The following RFC1 variants were observed in gnomAD, a reference collection of about 807,000 sequenced individuals.
RFC1 encodes A1 140 kDa subunit.
Under a neutral mutation model 137.4 loss-of-function variants are expected in RFC1, and 37 were observed. The observed-to-expected ratio is 0.27, with a 90% confidence interval of 0.21 to 0.35. The LOEUF (loss-of-function observed/expected upper bound fraction) is 0.35, where lower values mean the gene tolerates loss of function less well. Among genes scored for constraint, RFC1 ranks in the 10% least tolerant of loss-of-function variants. The probability of loss-of-function intolerance (pLI) is 1.00; values close to 1 mark genes in which losing one functional copy is unlikely to be tolerated. For missense variants in RFC1, 1,205 were observed against 1,358.5 expected (o/e 0.89, Z 1.78); for synonymous variants, 429 against 455.7 (o/e 0.94, Z 0.75).
intron 1 of RFC1, among the ~76,000 whole-genome samples, chr4:39,364,343 TA>T (rs2109789298): frequency 6.6e-6 from 1 of 152,168 alleles, no homozygotes; most frequent in African/African-American, 2.4e-5. Context: ...AATTTTAGTC[TA>T]GGGTTTTGCT....
At chr4:39,298,935 T>G (rs1359887733) in intron 21 of RFC1, among the ~76,000 whole-genome samples, 1 of 152,262 alleles carries the variant, frequency 6.6e-6, no homozygotes, top group Middle Eastern at 3.4e-3. Context: ...TGGCCAACAC[T>G]GTTGGGAACA....
At chr4:39,345,284 C>T (rs575837687) in intron 3 of RFC1, 117 bp downstream of exon 3, 30 of 752,512 alleles carry the variant, frequency 4.0e-5, no homozygotes, top group South Asian at 2.9e-4. Context: ...CAAAGTGCTG[C>T]GATTGCGATT....
intron 2 of RFC1, among the ~76,000 whole-genome samples, chr4:39,347,491 C>T (rs1299395962): frequency 6.6e-6 from 1 of 152,186 alleles, no homozygotes; most frequent in Admixed American, 6.5e-5. Context: ...TGTTTCTCTA[C>T]AGAACTCTGA....
In RFC1 at chr4:39,292,557, T is replaced by A. The variant is rs569950013; in HGVS notation, c.2955-705A>T. The stretch of plus-strand genomic sequence containing the variant: ...CAAAACAATATTTCAAATGCCACCA[T>A]CCTAAATCTTTCCAACCCAGCTGCC... On this transcript the variant is annotated intron_variant, in intron 22 of 24. Transcript: ENST00000349703. 1.4e-4 allele frequency among the ~76,000 whole-genome samples: 22 copies of A among 152,246 alleles called. No individual in the cohort carries two copies. In the South Asian group the frequency reaches 4.4e-3, roughly 30 times the overall value.
At chr4:39,313,610 T>C (rs1186135812) in intron 10 of RFC1, among the ~76,000 whole-genome samples, 4 of 152,186 alleles carry the variant, frequency 2.6e-5, no homozygotes, top group Non-Finnish European at 5.9e-5. Context: ...GGTCTGCCAA[T>C]GGATTGTGGT....
chr4:39,291,681 G>C lies in RFC1; in HGVS notation c.3126C>G (p.Ser1042Arg), dbSNP rs757780127. Reference sequence around the variant, plus strand: ...AAAAGGGACTAGGTTTGCCACCCCAGCTGCTGATTTCCATGATATTCTCAA... The same window carrying C: ...AAAAGGGACTAGGTTTGCCACCCCACCTGCTGATTTCCATGATATTCTCAA... Reference protein sequence around the residue: ...EDFENIMEISSWGGKPSPFSK... With the variant: ...EDFENIMEISRWGGKPSPFSK... Residue 1042 changes from serine to arginine, a missense_variant, in exon 23 of 25, where the codon AGC becomes AGG. Ser to Arg is a moderately radical substitution (Grantham distance 110). Coordinates refer to ENST00000349703, the MANE Select transcript of RFC1 (RefSeq NM_002913.5). 15 of 1,613,960 alleles carry C rather than the reference G, an allele frequency of 9.3e-6. No homozygotes were observed. The highest frequency in any genetic ancestry group is 1.3e-5 in the Non-Finnish European group (15 of 1,179,992).
intron 3 of RFC1, among the ~76,000 whole-genome samples, chr4:39,343,214 G>A (rs918988890): frequency 2.6e-5 from 4 of 152,036 alleles, no homozygotes; most frequent in Non-Finnish European, 5.9e-5. Flanking sequence ...GTAGAGACAG[G>A]GTTTTACTAT....
intron 1 of RFC1, among the ~76,000 whole-genome samples, chr4:39,352,165 G>A (rs927879312): frequency 1.3e-5 from 2 of 151,978 alleles, no homozygotes; most frequent in Non-Finnish European, 2.9e-5. Context: ...GGCATAGCTG[G>A]GGAGAAGACA....
Position 39,299,111 on chromosome 4 carries a change from C to A in RFC1, c.2808+910G>T, listed in dbSNP as rs186172318. ...CTTAAAGGCATTCTTAAACCACAAA[C>A]AATAGCATGAGCGATCTGTGCCTTA... On this transcript the variant is annotated intron_variant, in intron 21 of 24. Transcript: ENST00000349703. 8.4e-3 allele frequency among the ~76,000 whole-genome samples: 1,284 copies of A among 152,342 alleles called. 23 individuals carry two copies. Among genetic ancestry groups the A allele is most frequent in the African/African-American group, 0.029 (1,213 of 41,564 alleles).
At chr4:39,333,963 C>A (rs1347264148) in intron 4 of RFC1, among the ~76,000 whole-genome samples, 1 of 152,170 alleles carries the variant, frequency 6.6e-6, no homozygotes, top group East Asian at 1.9e-4. Context: ...AAATAAGGCT[C>A]CTTTTCTCTG....
At chr4:39,321,049 C>T (rs1739495206) in intron 8 of RFC1, among the ~76,000 whole-genome samples, 1 of 152,172 alleles carries the variant, frequency 6.6e-6, no homozygotes. Flanking sequence ...TGGAAATTAA[C>T]AAGAAGCCAG....
chr4:39,338,859 G>A (rs542126911), intron 4 of RFC1, among the ~76,000 whole-genome samples: 5 of 151,980 alleles, frequency 3.3e-5, no homozygotes, highest in Non-Finnish European at 7.4e-5. Context: ...TTAGATCTCT[G>A]GACTTGTTCA....
intron 16 of RFC1, 67 bp from the exon 17 acceptor site, chr4:39,302,941 T>C: frequency 6.6e-7 from 1 of 1,526,470 alleles, no homozygotes; most frequent in Non-Finnish European, 9.0e-7. Flanking sequence ...CAAGCTATTT[T>C]AGGTTCTAAA....
rs1742025189 is a variant in RFC1 at position 39,366,274 on chromosome 4, G to A, written c.-33C>T. 1 of 1,528,380 alleles carries A rather than the reference G, an allele frequency of 6.5e-7. No homozygotes were observed. The highest frequency in any genetic ancestry group is 8.8e-7 in the Non-Finnish European group (1 of 1,136,914). 94.7% of individuals were successfully genotyped at this position (1,528,380 alleles called of 1,614,324 possible). A position where few individuals can be genotyped will look rare whatever the true frequency, so the allele number is the denominator to read the frequency against. On this transcript the variant is annotated 5_prime_UTR_variant, in exon 1 of 25. Transcript: ENST00000349703. ...CCAGGATGAAGGCGCTGGCTGGCTG[G>A]CGGGTGGGCCGGTTGAGGAATCTGT...
At chr4:39,300,875 C>T (rs1254537334) in intron 19 of RFC1, among the ~76,000 whole-genome samples, 1 of 152,072 alleles carries the variant, frequency 6.6e-6, no homozygotes, top group Non-Finnish European at 1.5e-5. Flanking sequence ...GGGCGGATCA[C>T]TTGAGGTCAG....
At chr4:39,363,217 A>C (rs1379564460) in intron 1 of RFC1, among the ~76,000 whole-genome samples, 2 of 152,232 alleles carry the variant, frequency 1.3e-5, no homozygotes, top group African/African-American at 4.8e-5. Flanking sequence ...CAAACAATTA[A>C]ATCTCAGTGA....
chr4:39,334,709 T>G (rs1190568467), intron 4 of RFC1, among the ~76,000 whole-genome samples: 1 of 152,226 alleles, frequency 6.6e-6, no homozygotes, highest in Non-Finnish European at 1.5e-5. Context: ...GGAGAACTGG[T>G]TGAAAATCAT....
chr4:39,320,732 C>T, intron 8 of RFC1, 63 bp from the exon 9 acceptor site: 1 of 1,458,868 alleles, frequency 6.9e-7, no homozygotes, highest in Non-Finnish European at 9.1e-7. Flanking sequence ...ATCAACTTTT[C>T]TTTCATTTTT....
chr4:39,311,223 T>G (rs1358751972), intron 12 of RFC1, among the ~76,000 whole-genome samples: 1 of 152,180 alleles, frequency 6.6e-6, no homozygotes, highest in East Asian at 1.9e-4. Flanking sequence ...TGCAATATAC[T>G]GTCCTTTCTC....
Sources: gnomAD v4.1 joint callset for allele counts (sites outside exome capture counted in the v4.1 genomes callset) on GRCh38, gnomAD v4.1.1 for gene constraint, MANE v1.5 for transcripts, NCBI Gene and HGNC (gene_info 2026-07-23, HGNC 2026-07-21) for gene names.